Variants in MORN5 observed in about 807,000 individuals in gnomAD.
MORN5 encodes MORN repeat-containing protein 5.
MORN5 carries 21 observed loss-of-function variants against 22.1 expected under a neutral mutation model. The ratio of observed to expected loss-of-function variants is 0.95; its 90% CI spans 0.67 to 1.37. The LOEUF (loss-of-function observed/expected upper bound fraction) is 1.37, where lower values mean the gene tolerates loss of function less well. MORN5 is among the 40% of genes most tolerant of loss of function. The probability of loss-of-function intolerance (pLI) is 0.00; values close to 1 mark genes in which losing one functional copy is unlikely to be tolerated. For synonymous variants in MORN5, 73 were observed against 74.0 expected (o/e 0.99, Z 0.07); for missense variants, 211 against 215.1 (o/e 0.98, Z 0.12).
rs375848370 is a variant in MORN5, at chr9:122,175,971, G to C, written c.439+1344G>C. On this transcript the variant is annotated intron_variant, in intron 4 of 4. Coordinates refer to ENST00000373764, the MANE Select transcript of MORN5 (RefSeq NM_198469.4). ...CTACTAAAAATGCAAAAAATTAGCC[G>C]GGTGCGGTGGCGGGCGCCTGTAGTC... 4.4e-4 allele frequency among the ~76,000 whole-genome samples: 67 copies of C among 152,210 alleles called. 2 individuals are homozygous for C. In the South Asian group the frequency reaches 0.013, roughly 31 times the overall value.
At position 122,199,912 on chromosome 9, in the gene MORN5, G is replaced by A. The variant is rs374514194; in HGVS notation, c.467G>A (p.Arg156His). 1.7e-5 allele frequency: 28 copies of A among 1,613,778 alleles called. No individual in the cohort carries two copies. The highest frequency in any genetic ancestry group is 1.6e-4 in the Middle Eastern group (1 of 6,080). The part of the protein sequence containing the change: ...ADDDEHEWIT[R>H]TCRKG ...GATGACGAGCATGAGTGGATCACCC[G>A]TACCTGTCGAAAGGGCTAGGATGAG... Residue 156 changes from arginine to histidine, a missense_variant, in exon 5 of 5, where the codon CGT becomes CAT. Physicochemically the swap from Arg to His is conservative, Grantham distance 29 (BLOSUM62 0). Coordinates refer to ENST00000373764, the MANE Select transcript of MORN5 (RefSeq NM_198469.4).
At chr9:122,191,466 C>T (rs1829763909) in intron 4 of MORN5, among the ~76,000 whole-genome samples, 1 of 152,206 alleles carries the variant, frequency 6.6e-6, no homozygotes, top group African/African-American at 2.4e-5. Flanking sequence ...GGAGACAGCC[C>T]CATCTCACTC....
intron 4 of MORN5, among the ~76,000 whole-genome samples, chr9:122,188,054 G>C (rs1240013682): frequency 6.6e-6 from 1 of 152,184 alleles, no homozygotes; most frequent in Non-Finnish European, 1.5e-5. Flanking sequence ...TGTCAAGGAG[G>C]CCTCAGACTG....
intron 1 of MORN5, among the ~76,000 whole-genome samples, chr9:122,160,458 G>T (rs1226543570): frequency 1.3e-5 from 2 of 152,302 alleles, no homozygotes; most frequent in East Asian, 3.9e-4. Flanking sequence ...TCACGATCTA[G>T]GGATTATTAT....
rs141549912 is a variant in MORN5 at position 122,186,476 on chromosome 9, A to G, written c.439+11849A>G. On this transcript the variant is annotated intron_variant, in intron 4 of 4. Transcript: ENST00000373764. ...AATTCACAAACAGAATTTTGCCTAC[A>G]GAGGGCGGGATTGGCCACTTGGAAG... is the stretch of plus-strand genomic sequence containing the variant. Among the ~76,000 whole-genome samples, 565 of 152,252 alleles carry G rather than the reference A, an allele frequency of 3.7e-3. 6 individuals are homozygous for G. The highest frequency in any genetic ancestry group is 0.013 in the African/African-American group (525 of 41,540).
intron 4 of MORN5, among the ~76,000 whole-genome samples, chr9:122,195,905 T>C (rs1489777465): frequency 6.6e-6 from 1 of 152,180 alleles, no homozygotes; most frequent in African/African-American, 2.4e-5. Flanking sequence ...ATGCAAGGTC[T>C]TTTTGCTTTT....
chr9:122,164,052 T>C (rs1319206089), intron 1 of MORN5, among the ~76,000 whole-genome samples: 2 of 152,212 alleles, frequency 1.3e-5, no homozygotes, highest in Non-Finnish European at 2.9e-5. Context: ...GCCCAGCTAA[T>C]TGATAGGTAT....
At chr9:122,184,948 A>G (rs1387320380) in intron 4 of MORN5, among the ~76,000 whole-genome samples, 1 of 152,272 alleles carries the variant, frequency 6.6e-6, no homozygotes, top group South Asian at 2.1e-4. Context: ...CCTATATTTT[A>G]TAGAGATATA....
At chr9:122,170,925 A>G (rs1185033387) in intron 3 of MORN5, among the ~76,000 whole-genome samples, 2 of 152,198 alleles carry the variant, frequency 1.3e-5, no homozygotes, top group Non-Finnish European at 2.9e-5. Flanking sequence ...GTGTATACCT[A>G]TGTAACAAAC....
intron 4 of MORN5, 117 bp downstream of exon 4, chr9:122,174,744 A>T (rs774450054): frequency 6.3e-7 from 1 of 1,594,682 alleles, no homozygotes; most frequent in East Asian, 2.3e-5. Flanking sequence ...CTGATAGAAG[A>T]TGAAAGTTGA....
intron 4 of MORN5, among the ~76,000 whole-genome samples, chr9:122,187,438 TC>T (rs926287275): frequency 1.3e-5 from 2 of 152,000 alleles, no homozygotes; most frequent in Non-Finnish European, 2.9e-5. Context: ...CCCCCTAAGC[TC>T]CCCCTAGACA....
chr9:122,169,622 C>A, intron 2 of MORN5, 23 bp from the exon 3 acceptor site: 3 of 1,551,644 alleles, frequency 1.9e-6, no homozygotes, highest in Non-Finnish European at 2.7e-6. Context: ...CTCAGATGCA[C>A]GTGTGTGCTC....
chr9:122,194,261 A>C (rs1171534133), intron 4 of MORN5, among the ~76,000 whole-genome samples: 1 of 152,122 alleles, frequency 6.6e-6, no homozygotes, highest in South Asian at 2.1e-4. Context: ...TTCATTCATT[A>C]ATTCAAAAGC....
At chr9:122,170,586 G>T (rs1240468486) in intron 3 of MORN5, among the ~76,000 whole-genome samples, 2 of 152,194 alleles carry the variant, frequency 1.3e-5, no homozygotes, top group African/African-American at 4.8e-5. Flanking sequence ...ATGTCCAGAT[G>T]ACCCTGCCCA....
At chr9:122,175,027 G>A (rs372079114) in intron 4 of MORN5, 3 of 242,158 alleles carry the variant, frequency 1.2e-5, no homozygotes, top group African/African-American at 7.0e-5. Flanking sequence ...TGGCAGAGAA[G>A]TACTATAAAC....
At chr9:122,184,712 G>T (rs1003786120) in intron 4 of MORN5, among the ~76,000 whole-genome samples, 1 of 152,150 alleles carries the variant, frequency 6.6e-6, no homozygotes, top group African/African-American at 2.4e-5. Flanking sequence ...AATCTCCACA[G>T]TAACCCTGCA....
intron 4 of MORN5, among the ~76,000 whole-genome samples, chr9:122,191,435 A>G (rs1588315361): frequency 6.6e-6 from 1 of 152,156 alleles, no homozygotes; most frequent in Admixed American, 6.5e-5. Context: ...CATTTCTCCC[A>G]TCAGTTTCCT....
intron 4 of MORN5, among the ~76,000 whole-genome samples, chr9:122,180,284 T>TC (rs1383452205): frequency 1.3e-4 from 18 of 138,698 alleles, no homozygotes; most frequent in African/African-American, 2.6e-4. Context: ...ATTTTCTTCT[T>TC]TTTTTTTTTT....
rs1829908219 is a variant in MORN5 at position 122,197,018 on chromosome 9, A to G, written c.440-2867A>G. 6.6e-6 allele frequency among the ~76,000 whole-genome samples: 1 copy of G among 152,216 alleles called. No homozygotes were observed. Among genetic ancestry groups the G allele is most frequent in the Non-Finnish European group, 1.5e-5 (1 of 68,040 alleles). ...GTTAAATGAATGCATATACAACAAAATAATCATTCCCTCATTTTTAGAAAT... is the reference window on the plus strand; with the variant it reads ...GTTAAATGAATGCATATACAACAAAGTAATCATTCCCTCATTTTTAGAAAT... On this transcript the variant is annotated intron_variant, in intron 4 of 4. Transcript: ENST00000373764. This position sits in a 1 kb window ranked among gnomAD's most constrained non-coding sequence, Gnocchi z 5.7.
Sources: allele counts gnomAD v4.1 joint callset (sites outside exome capture counted in the v4.1 genomes callset), GRCh38; gene constraint gnomAD v4.1.1; non-coding constraint Gnocchi (gnomAD v3.1); transcripts MANE v1.5; gene names NCBI Gene and HGNC (gene_info 2026-07-23, HGNC 2026-07-21).